PHF14: variants seen among roughly 807,000 people sequenced by gnomAD.
PHF14 encodes the protein PHD finger protein 14.
Under a neutral mutation model 117.9 loss-of-function variants are expected in PHF14, and 55 were observed. That is an observed-to-expected ratio of 0.47 (90% CI 0.38 to 0.58). The LOEUF (loss-of-function observed/expected upper bound fraction) is 0.58. Among genes scored for constraint, PHF14 ranks in the 20% least tolerant of loss-of-function variants. The pLI is 0.00. For missense variants in PHF14, 978 were observed against 1,122.2 expected (o/e 0.87, Z 1.84); for synonymous variants, 409 against 368.6 (o/e 1.11, Z -1.26).
intron 16 of PHF14, among the ~76,000 whole-genome samples, chr7:11,094,201 T>G (rs1383820897): frequency 6.6e-6 from 1 of 152,212 alleles, no homozygotes; most frequent in Non-Finnish European, 1.5e-5. Context: ...TAGTTTTCTC[T>G]GGCTGTTAGA....
At chr7:11,115,088 G>A (rs1489013281) in intron 17 of PHF14, among the ~76,000 whole-genome samples, 1 of 151,878 alleles carries the variant, frequency 6.6e-6, no homozygotes, top group Admixed American at 6.6e-5. Context: ...TCATCCTCAA[G>A]CCTTCCCCAT....
chr7:11,143,180 A>G (rs1788446003), intron 17 of PHF14, among the ~76,000 whole-genome samples: 1 of 152,222 alleles, frequency 6.6e-6, no homozygotes, highest in Non-Finnish European at 1.5e-5. Context: ...ATAGTACTAA[A>G]ATGTGTACCT....
intron 10 of PHF14, among the ~76,000 whole-genome samples, chr7:11,038,385 C>T (rs183900301): frequency 1.4e-5 from 2 of 147,012 alleles, no homozygotes; most frequent in African/African-American, 2.5e-5. Context: ...GACACAAGAT[C>T]GTGCTACTGC....
Position 11,051,593 on chromosome 7 carries a change from A to T in PHF14, c.2313-19A>T, listed in dbSNP as rs755156684. On this transcript the variant is annotated intron_variant, in intron 13 of 17. Transcript: ENST00000634607. ...AGATAATAATAAATGCATGACTTAA[A>T]TTTTTCCCCTTTATGTAGGCAGTGC... 4.4e-6 allele frequency: 7 copies of T among 1,592,300 alleles called. No individual in the cohort carries two copies. The East Asian group carries it at 1.3e-4, about 31-fold the overall frequency.
intron 17 of PHF14, among the ~76,000 whole-genome samples, chr7:11,167,345 C>G (rs796538920): frequency 2.5e-4 from 38 of 152,248 alleles, no homozygotes; most frequent in African/African-American, 8.9e-4. Flanking sequence ...TTTATTTTCA[C>G]TGTTGTTATA....
At chr7:11,081,076 T>C (rs1786081182) in intron 16 of PHF14, among the ~76,000 whole-genome samples, 1 of 152,196 alleles carries the variant, frequency 6.6e-6, no homozygotes, top group Non-Finnish European at 1.5e-5. Flanking sequence ...TGTGTGTGTA[T>C]TTATATGTAT....
intron 16 of PHF14, among the ~76,000 whole-genome samples, chr7:11,098,089 A>T (rs1224410162): frequency 2.6e-5 from 4 of 152,180 alleles, no homozygotes; most frequent in African/African-American, 9.6e-5. Flanking sequence ...TTTGTTAATT[A>T]TAAAAATTTA....
At chr7:11,093,565 C>T (rs1340056298) in intron 16 of PHF14, among the ~76,000 whole-genome samples, 1 of 152,198 alleles carries the variant, frequency 6.6e-6, no homozygotes, top group Non-Finnish European at 1.5e-5. Context: ...TTAAATTTCA[C>T]CTTTCTCTGT....
chr7:11,045,832 C>T (rs1784645479), intron 13 of PHF14, among the ~76,000 whole-genome samples: 1 of 152,164 alleles, frequency 6.6e-6, no homozygotes, highest in Non-Finnish European at 1.5e-5. Context: ...ATGATGGGCT[C>T]TTGAGAAGAC....
intron 16 of PHF14, among the ~76,000 whole-genome samples, chr7:11,086,618 A>G (rs1334281553): frequency 2.0e-5 from 3 of 152,178 alleles, no homozygotes; most frequent in Non-Finnish European, 4.4e-5. Flanking sequence ...CCCCCAGTAC[A>G]TAACCAAATT....
intron 16 of PHF14, among the ~76,000 whole-genome samples, chr7:11,081,073 G>C (rs561669223): frequency 9.9e-5 from 15 of 152,208 alleles, no homozygotes; most frequent in African/African-American, 3.4e-4. Flanking sequence ...ATGTGTGTGT[G>C]TATTTATATG....
Position 11,036,413 on chromosome 7 carries a change from T to G in PHF14, c.1603-5T>G. On this transcript the variant is annotated splice_polypyrimidine_tract_variant and splice_region_variant and intron_variant, in intron 8 of 17. Transcript: ENST00000634607. The stretch of plus-strand genomic sequence containing the variant: ...TTTTAAAATTTGAATACATTTCTTT[T>G]ATAGGCAAGGATCAATGCCCGGCTT... 1 of 1,593,196 alleles carries G rather than the reference T, an allele frequency of 6.3e-7. No homozygotes were observed. Among genetic ancestry groups the G allele is most frequent in the Non-Finnish European group, 8.6e-7 (1 of 1,167,018 alleles).
intron 16 of PHF14, among the ~76,000 whole-genome samples, chr7:11,067,475 C>T (rs1035100602): frequency 1.3e-5 from 2 of 151,980 alleles, no homozygotes; most frequent in African/African-American, 4.8e-5. Context: ...AGCTGTACAC[C>T]CAAAGCAGAA....
chr7:10,993,739 G>A (rs1233956713), intron 4 of PHF14, among the ~76,000 whole-genome samples: 1 of 152,146 alleles, frequency 6.6e-6, no homozygotes, highest in Non-Finnish European at 1.5e-5. Context: ...TGGGTACGGT[G>A]GCTCATGCCT....
At chr7:11,123,238 C>T (rs1406846045) in intron 17 of PHF14, among the ~76,000 whole-genome samples, 1 of 152,032 alleles carries the variant, frequency 6.6e-6, no homozygotes, top group African/African-American at 2.4e-5. Flanking sequence ...AGTTAATGTC[C>T]CTCAAGAGAG....
At chr7:11,107,719 T>C in intron 16 of PHF14, 2 of 766,106 alleles carry the variant, frequency 2.6e-6, no homozygotes, top group Non-Finnish European at 3.2e-6. Flanking sequence ...ATTTGTGTTA[T>C]TTAATAAAGT....
chr7:11,074,332 T>C (rs1300414957), intron 16 of PHF14, among the ~76,000 whole-genome samples: 1 of 151,746 alleles, frequency 6.6e-6, no homozygotes, highest in East Asian at 1.9e-4. Flanking sequence ...TGCCTCAGCC[T>C]CCTGAGTAGC....
At chr7:11,144,785 T>A (rs1788499809) in intron 17 of PHF14, among the ~76,000 whole-genome samples, 1 of 151,666 alleles carries the variant, frequency 6.6e-6, no homozygotes, top group Non-Finnish European at 1.5e-5. Flanking sequence ...AAGGAAAATC[T>A]GAGATGTACT....
At chr7:11,020,988 A>G (rs1020890185) in intron 5 of PHF14, among the ~76,000 whole-genome samples, 4 of 152,224 alleles carry the variant, frequency 2.6e-5, no homozygotes, top group Non-Finnish European at 4.4e-5. Flanking sequence ...AGGAATGAAA[A>G]TAACGTACTT....
Sources: gnomAD v4.1 joint callset for allele counts (sites outside exome capture counted in the v4.1 genomes callset) on GRCh38, gnomAD v4.1.1 for gene constraint, MANE v1.5 for transcripts, NCBI Gene and HGNC (gene_info 2026-07-23, HGNC 2026-07-21) for gene names.